FLNB: variants seen among roughly 807,000 people sequenced by gnomAD.
FLNB encodes the protein filamin-B.
FLNB carries 111 observed loss-of-function variants against 250.6 expected under a neutral mutation model. The observed-to-expected ratio is 0.44, with a 90% CI of 0.38 to 0.52. The LOEUF (loss-of-function observed/expected upper bound fraction) is 0.52. Ranked by LOEUF, FLNB falls within the 20% of genes least tolerant of loss-of-function variation. The probability of loss-of-function intolerance (pLI) is 0.00; values close to 1 mark genes in which losing one functional copy is unlikely to be tolerated. For missense variants in FLNB, 2,869 were observed against 3,447.8 expected, an observed-to-expected ratio of 0.83 and a Z score of 4.20; for synonymous variants, 1,302 against 1,372.1, an observed-to-expected ratio of 0.95 and a Z score of 1.13.
At chr3:58,053,073 G>T (rs2097164996) in intron 1 of FLNB, among the ~76,000 whole-genome samples, 2 of 152,284 alleles carry the variant, frequency 1.3e-5, no homozygotes, top group African/African-American at 4.8e-5. Context: ...TTTTGAGAGG[G>T]TGAGATCATT....
intron 20 of FLNB, among the ~76,000 whole-genome samples, chr3:58,122,672 A>G (rs1307501014): frequency 6.6e-6 from 1 of 152,158 alleles, no homozygotes; most frequent in African/African-American, 2.4e-5. Context: ...TTTTATTATT[A>G]TGCAGAATTT....
intron 3 of FLNB, among the ~76,000 whole-genome samples, chr3:58,079,230 C>T (rs1379080345): frequency 6.6e-6 from 1 of 151,164 alleles, no homozygotes; most frequent in Non-Finnish European, 1.5e-5. Flanking sequence ...AATCCAATAG[C>T]TTAAGAAAAG....
At chr3:58,170,429 C>A in intron 45 of FLNB, 146 bp from the exon 46 acceptor site, 1 of 728,632 alleles carries the variant, frequency 1.4e-6, no homozygotes, top group Non-Finnish European at 2.4e-6. Context: ...GCTCTATGAG[C>A]CTCTGCTTGT....
intron 32 of FLNB, 42 bp from the exon 33 acceptor site, chr3:58,145,879 C>G (rs749163317): frequency 1.2e-6 from 2 of 1,613,826 alleles, no homozygotes; most frequent in South Asian, 1.1e-5. Context: ...TCGTTCACCC[C>G]TTAATGAGCA....
intron 29 of FLNB, among the ~76,000 whole-genome samples, chr3:58,140,284 A>G (rs2097324645): frequency 6.6e-6 from 1 of 152,238 alleles, no homozygotes. Flanking sequence ...ACATGGAGTC[A>G]TGGACAAACA....
intron 43 of FLNB, among the ~76,000 whole-genome samples, chr3:58,167,806 A>G (rs1050117450): frequency 6.6e-6 from 1 of 152,248 alleles, no homozygotes; most frequent in Non-Finnish European, 1.5e-5. Flanking sequence ...TCCATACCAC[A>G]TGCGTAAATG....
At chr3:58,076,610 A>G (rs1013681638) in intron 1 of FLNB, among the ~76,000 whole-genome samples, 2 of 149,152 alleles carry the variant, frequency 1.3e-5, no homozygotes, top group South Asian at 2.1e-4. Flanking sequence ...GTGAGCCACC[A>G]TGCTCGGCTA....
chr3:58,169,830 A>ATTTACAGGGGGGGGGGGGGGCT lies in FLNB; in HGVS notation c.7621+37_7621+38insTTTACAGGGGGGGGGGGGGGCT. On this transcript the variant is annotated intron_variant, in intron 45 of 45. Transcript: ENST00000295956. The surrounding 1 kb of genome is among the most constrained non-coding windows in gnomAD (Gnocchi z 4.8). The stretch of plus-strand genomic sequence containing the variant: ...GGCCTTTTCAAGGGTGGGGTGGGGC[A>ATTTACAGGGGGGGGGGGGGGCT]GGGGCAGGCTGGGCACCCTGGGTAC... The ATTTACAGGGGGGGGGGGGGGCT allele has an allele frequency of 4.5e-6, 3 of 672,046 alleles. No homozygotes were observed. Among genetic ancestry groups the ATTTACAGGGGGGGGGGGGGGCT allele is most frequent in the Non-Finnish European group, 8.1e-6 (3 of 370,014 alleles). The allele number at this position is 672,046 out of a possible 1,614,324, so 41.6% of individuals were successfully genotyped here.
intron 3 of FLNB, 131 bp downstream of exon 3, chr3:58,078,945 C>G (rs1206708093): frequency 1.3e-5 from 9 of 683,616 alleles, no homozygotes; most frequent in Non-Finnish European, 2.1e-5. Flanking sequence ...GTGATGCTCT[C>G]TCATCTTCCT....
intron 1 of FLNB, among the ~76,000 whole-genome samples, chr3:58,053,525 A>G (rs1286319614): frequency 6.6e-6 from 1 of 152,184 alleles, no homozygotes; most frequent in Non-Finnish European, 1.5e-5. Flanking sequence ...CAGTGGCGCT[A>G]TCTCAGCTCA....
In FLNB at chr3:58,123,369, A is replaced by G; in HGVS notation, c.3403A>G (p.Lys1135Glu). ...CATTGAAATGCCCTTTGACCCCTCTAAAGTCGTGGCATCGGGGCCAGGTCT... is the reference window on the plus strand; with the variant it reads ...CATTGAAATGCCCTTTGACCCCTCTGAAGTCGTGGCATCGGGGCCAGGTCT... ...ADIEMPFDPS[K>E]VVASGPGLEH... The change falls in exon 21 of 46, where the codon AAA becomes GAA. Residue 1135 changes from lysine to glutamate, a missense_variant. Physicochemically the swap from Lys to Glu is moderately conservative, Grantham distance 56. Coordinates refer to ENST00000295956, the MANE Select transcript of FLNB (RefSeq NM_001457.4). The G allele has an allele frequency of 6.2e-7, 1 of 1,614,098 alleles. No individual in the cohort carries two copies. Among genetic ancestry groups the G allele is most frequent in the Non-Finnish European group, 8.5e-7 (1 of 1,180,016 alleles).
intron 1 of FLNB, among the ~76,000 whole-genome samples, chr3:58,076,410 C>T (rs1576675746): frequency 1.3e-5 from 2 of 152,264 alleles, no homozygotes; most frequent in Non-Finnish European, 2.9e-5. Flanking sequence ...CAGGTTGTTA[C>T]CTCTGGGATG....
At chr3:58,024,172 C>T (rs1365789122) in intron 1 of FLNB, among the ~76,000 whole-genome samples, 1 of 152,156 alleles carries the variant, frequency 6.6e-6, no homozygotes, top group Non-Finnish European at 1.5e-5. Context: ...GAATGGAAAC[C>T]ACTTCTGGAT....
intron 28 of FLNB, among the ~76,000 whole-genome samples, chr3:58,138,019 G>A (rs2097319513): frequency 6.6e-6 from 1 of 152,158 alleles, no homozygotes; most frequent in Non-Finnish European, 1.5e-5. Context: ...AACCTTCATT[G>A]CCATACCTTT....
intron 1 of FLNB, among the ~76,000 whole-genome samples, chr3:58,054,417 T>A (rs1243865023): frequency 6.6e-6 from 1 of 152,154 alleles, no homozygotes; most frequent in Non-Finnish European, 1.5e-5. Context: ...TAGTCCGTTC[T>A]CAACACTGCT....
intron 8 of FLNB, among the ~76,000 whole-genome samples, chr3:58,100,373 A>AAAAAAATATATAT: frequency 9.6e-6 from 1 of 104,386 alleles, no homozygotes; most frequent in African/African-American, 4.6e-5. Context: ...GTAAAAAAAA[A>AAAAAAATATATAT]ATATATATAT....
At chr3:58,021,530 G>A (rs1171160204) in intron 1 of FLNB, among the ~76,000 whole-genome samples, 5 of 152,312 alleles carry the variant, frequency 3.3e-5, no homozygotes, top group African/African-American at 9.6e-5. Flanking sequence ...CACCTAGGCA[G>A]TGGCTTGTCA....
intron 19 of FLNB, 145 bp from the exon 20 acceptor site, chr3:58,121,096 G>T: frequency 1.0e-6 from 1 of 988,254 alleles, no homozygotes; most frequent in South Asian, 1.3e-5. Context: ...ACTCAGCTTT[G>T]CTGCTTGTCC....
chr3:58,059,897 C>T (rs1388221577), intron 1 of FLNB, among the ~76,000 whole-genome samples: 1 of 152,154 alleles, frequency 6.6e-6, no homozygotes, highest in Non-Finnish European at 1.5e-5. Flanking sequence ...GTTTGGGTCT[C>T]CAGGGTGAAA....
Sources: gnomAD v4.1 joint callset for allele counts (sites outside exome capture counted in the v4.1 genomes callset) on GRCh38, gnomAD v4.1.1 for gene constraint, Gnocchi (gnomAD v3.1) non-coding constraint, MANE v1.5 for transcripts, NCBI Gene and HGNC (gene_info 2026-07-23, HGNC 2026-07-21) for gene names.